The following WDPCP variants were observed in gnomAD, a reference collection of about 807,000 sequenced individuals.
WDPCP encodes WD repeat containing planar cell polarity effector.
WDPCP carries 71 observed loss-of-function variants against 93.1 expected under a neutral mutation model. The observed-to-expected ratio is 0.76, with a 90% confidence interval of 0.63 to 0.93. The LOEUF is 0.93. WDPCP is among the 40% of genes least tolerant of loss of function. The probability of loss-of-function intolerance (pLI) is 0.00; values close to 1 mark genes in which losing one functional copy is unlikely to be tolerated. For synonymous variants in WDPCP, 315 were observed against 315.0 expected (o/e 1.00, Z 0.00); for missense variants, 844 against 887.4 (o/e 0.95, Z 0.62).
At chr2:63,371,456 C>T (rs1471802341) in intron 12 of WDPCP, among the ~76,000 whole-genome samples, 1 of 151,974 alleles carries the variant, frequency 6.6e-6, no homozygotes, top group Non-Finnish European at 1.5e-5. Context: ...TATTGAGTTC[C>T]CCTATTATTC....
At chr2:63,329,206 C>A (rs1475339389) in intron 12 of WDPCP, among the ~76,000 whole-genome samples, 1 of 152,192 alleles carries the variant, frequency 6.6e-6, no homozygotes, top group Non-Finnish European at 1.5e-5. Flanking sequence ...CCCCCTCCCA[C>A]TGGCCCTGGC....
intron 1 of WDPCP, among the ~76,000 whole-genome samples, chr2:63,554,742 G>C (rs1352265431): frequency 1.3e-5 from 2 of 152,162 alleles, no homozygotes; most frequent in Non-Finnish European, 2.9e-5. Context: ...CTACTACTGA[G>C]AAGAACAAAA....
chr2:63,555,630 C>G (rs921487254), intron 1 of WDPCP, among the ~76,000 whole-genome samples: 1 of 152,148 alleles, frequency 6.6e-6, no homozygotes, highest in Admixed American at 6.5e-5. Flanking sequence ...ATGGAAATCC[C>G]AGAGGATGGA....
At chr2:63,542,248 T>C (rs1305391902) in intron 1 of WDPCP, among the ~76,000 whole-genome samples, 1 of 152,166 alleles carries the variant, frequency 6.6e-6, no homozygotes, top group Non-Finnish European at 1.5e-5. Flanking sequence ...AAGCATTTTT[T>C]TTTTCTTCCT....
At chr2:63,438,546 G>A (rs563106593) in intron 7 of WDPCP, among the ~76,000 whole-genome samples, 119 of 152,156 alleles carry the variant, frequency 7.8e-4, no homozygotes, top group Non-Finnish European at 1.5e-3. Flanking sequence ...TTTATTTGCA[G>A]TACCAATGAA....
chr2:63,397,713 TGTA>T (rs1313356319), intron 10 of WDPCP, among the ~76,000 whole-genome samples: 1 of 152,096 alleles, frequency 6.6e-6, no homozygotes, highest in African/African-American at 2.4e-5. Context: ...GTAAGAGACA[TGTA>T]TTTATCAAGT....
At chr2:63,504,445 C>A (rs932139510) in intron 1 of WDPCP, among the ~76,000 whole-genome samples, 4 of 151,544 alleles carry the variant, frequency 2.6e-5, no homozygotes, top group Admixed American at 2.6e-4. Flanking sequence ...CATGTATCTC[C>A]TCTCCCATAA....
intron 9 of WDPCP, among the ~76,000 whole-genome samples, chr2:63,411,489 A>ACCAAAC (rs1223241552): frequency 3.3e-5 from 5 of 152,128 alleles, no homozygotes; most frequent in Admixed American, 1.3e-4. Context: ...ACAAGAACAA[A>ACCAAAC]CCAAACCCAA....
chr2:63,183,059 G>A (rs1467405385), intron 14 of WDPCP, among the ~76,000 whole-genome samples: 1 of 151,702 alleles, frequency 6.6e-6, no homozygotes, highest in Non-Finnish European at 1.5e-5. Flanking sequence ...CTAGCAGTTT[G>A]TCAACTTTAT....
chr2:63,175,491 T>C (rs576993168), intron 14 of WDPCP, among the ~76,000 whole-genome samples: 1 of 152,270 alleles, frequency 6.6e-6, no homozygotes, highest in South Asian at 2.1e-4. Context: ...TTTTAAAGCA[T>C]ACAGTTCAAT....
intron 1 of WDPCP, among the ~76,000 whole-genome samples, chr2:63,520,850 T>C (rs1286596028): frequency 1.3e-5 from 2 of 149,350 alleles, no homozygotes; most frequent in African/African-American, 2.5e-5. Flanking sequence ...TGAGCCATGA[T>C]TGTGCCACGG....
intron 12 of WDPCP, among the ~76,000 whole-genome samples, chr2:63,338,562 AAAAAAAAATATATATATATATATATATAT>A (rs1395043022): frequency 8.1e-5 from 5 of 61,978 alleles, no homozygotes; most frequent in South Asian, 1.2e-3. Flanking sequence ...AAAAAAAAAA[AAAAAAAAATATATATATATATATATATAT>A]ATATATATAT....
intron 12 of WDPCP, among the ~76,000 whole-genome samples, chr2:63,363,672 T>C (rs1309731045): frequency 6.6e-6 from 1 of 152,158 alleles, no homozygotes; most frequent in Admixed American, 6.6e-5. Context: ...AACCTTCAAA[T>C]ACGTATTTCC....
At chr2:63,469,689 G>T (rs1699580453) in intron 6 of WDPCP, among the ~76,000 whole-genome samples, 1 of 152,108 alleles carries the variant, frequency 6.6e-6, no homozygotes, top group African/African-American at 2.4e-5. Context: ...AGACACTGGG[G>T]CCTACCTGAG....
intron 12 of WDPCP, among the ~76,000 whole-genome samples, chr2:63,332,337 A>T (rs913612826): frequency 1.2e-4 from 18 of 152,084 alleles, no homozygotes; most frequent in Non-Finnish European, 2.5e-4. Context: ...TGGTTATAAC[A>T]TCTTATATAT....
chr2:63,808,711 G>T (rs956724844), intron 2 of WDPCP, among the ~76,000 whole-genome samples: 2 of 152,152 alleles, frequency 1.3e-5, no homozygotes, highest in Non-Finnish European at 2.9e-5. Context: ...CCTCCCAGCC[G>T]CCTGCCTTGG....
chr2:63,486,596 T>C lies in WDPCP; in HGVS notation c.209-10A>G. On this transcript the variant is annotated splice_polypyrimidine_tract_variant and intron_variant, in intron 3 of 17. Coordinates refer to ENST00000272321, the MANE Select transcript of WDPCP (RefSeq NM_015910.7). ...TTACCATGCTCTGTCGCTGATATTG[T>C]GGCAGAAGGGATAGAAAGAAAAAAA... is the stretch of plus-strand genomic sequence containing the variant. 6.4e-7 allele frequency: 1 copy of C among 1,569,766 alleles called. No individual in the cohort carries two copies. The highest frequency in any genetic ancestry group is 8.7e-7 in the Non-Finnish European group (1 of 1,154,298).
intron 2 of WDPCP, among the ~76,000 whole-genome samples, chr2:63,771,157 T>C (rs571858159): frequency 6.6e-6 from 1 of 151,706 alleles, no homozygotes; most frequent in South Asian, 2.1e-4. Context: ...TCAGTGGTGA[T>C]GGTGATCAAG....
At chr2:63,589,530 G>A (rs1482313203), upstream of WDPCP, 4 of 777,340 alleles carry the variant, frequency 5.1e-6, no homozygotes, top group African/African-American at 3.5e-5. Context: ...TACGATCTGC[G>A]TTTGCAGCAG....
Sources: allele counts gnomAD v4.1 joint callset (sites outside exome capture counted in the v4.1 genomes callset), GRCh38; gene constraint gnomAD v4.1.1; transcripts MANE v1.5; gene names NCBI Gene and HGNC (gene_info 2026-07-23, HGNC 2026-07-21).